Variants in ABCA8 observed in about 807,000 individuals in gnomAD.
ABCA8 encodes the protein ABC-type organic anion transporter ABCA8.
Under a neutral mutation model 192.3 loss-of-function variants are expected in ABCA8, and 177 were observed. That is an observed-to-expected ratio of 0.92 (90% CI 0.81 to 1.04). The LOEUF is 1.04. Among genes scored for constraint, ABCA8 ranks in the 50% least tolerant of loss-of-function variants. The pLI, the probability that ABCA8 is intolerant of heterozygous loss-of-function variation, is 0.00. For synonymous variants in ABCA8, 642 were observed against 690.2 expected (o/e 0.93, Z 1.09); for missense variants, 1,915 against 1,904.8 (o/e 1.01, Z -0.10).
intron 38 of ABCA8, among the ~76,000 whole-genome samples, 163 bp downstream of exon 38, chr17:68,869,537 T>A (rs1165900388): frequency 6.6e-6 from 1 of 152,122 alleles, no homozygotes; most frequent in East Asian, 1.9e-4. Context: ...ACACAGAGAA[T>A]CCCTCTATCT....
chr17:68,890,833 AT>A (rs1466355128), intron 24 of ABCA8, among the ~76,000 whole-genome samples: 1 of 152,078 alleles, frequency 6.6e-6, no homozygotes, highest in Non-Finnish European at 1.5e-5. Context: ...TTTATTTTTT[AT>A]TCGTGTTTTA....
chr17:68,914,480 T>C (rs1485400155), intron 17 of ABCA8, among the ~76,000 whole-genome samples: 7 of 152,166 alleles, frequency 4.6e-5, no homozygotes, highest in African/African-American at 1.7e-4. Flanking sequence ...CAAAAATCAA[T>C]AGCATTTCTA....
Position 68,954,127 on chromosome 17 carries a change from C to A in ABCA8, c.-167+1092G>T, listed in dbSNP as rs529252993. The stretch of plus-strand genomic sequence containing the variant: ...TGTATACATGTGCCACGCTGGTGCG[C>A]TGCACCCACTAACTCGTCATCTAGC... On this transcript the variant is annotated intron_variant, in intron 1 of 39. Transcript: ENST00000586539. 2.0e-5 allele frequency among the ~76,000 whole-genome samples: 3 copies of A among 151,506 alleles called. No homozygotes were observed. In the East Asian group the frequency reaches 5.8e-4, roughly 30 times the overall value.
chr17:68,949,889 A>C (rs187132515), intron 1 of ABCA8, among the ~76,000 whole-genome samples: 1 of 151,994 alleles, frequency 6.6e-6, no homozygotes, highest in African/African-American at 2.4e-5. Flanking sequence ...GGCACAAGGC[A>C]AGGATGCCCT....
intron 37 of ABCA8, among the ~76,000 whole-genome samples, chr17:68,871,248 A>G (rs1423987139): frequency 2.6e-5 from 4 of 151,956 alleles, no homozygotes; most frequent in African/African-American, 9.7e-5. Flanking sequence ...TAACAGACCC[A>G]CTCCCAAGAT....
rs181557442 is a variant in ABCA8 at position 68,932,464 on chromosome 17, T to G, written c.621A>C (p.Lys207Asn). The change falls in exon 7 of 40, where the codon AAA becomes AAC. Residue 207 changes from lysine (K) to asparagine (N), a missense_variant. Physicochemically the swap from Lys to Asn is moderately conservative, Grantham distance 94 (BLOSUM62 0). Coordinates refer to ENST00000586539, the MANE Select transcript of ABCA8 (RefSeq NM_001288985.2). ...VMEELMSVTG[K>N]NMKMHSFIGQ... ...CAATGAAGGAATGCATCTTCATATT[T>G]TTTCCAGTAACTGACATCAGCTCCT... is the stretch of plus-strand genomic sequence containing the variant. 4 of 1,613,916 alleles carry G rather than the reference T, an allele frequency of 2.5e-6. No individual in the cohort carries two copies. Among genetic ancestry groups the G allele is most frequent in the African/African-American group, 1.3e-5 (1 of 74,946 alleles).
intron 37 of ABCA8, among the ~76,000 whole-genome samples, chr17:68,870,991 T>A (rs1163969128): frequency 6.6e-6 from 1 of 152,192 alleles, no homozygotes; most frequent in African/African-American, 2.4e-5. Context: ...TTTCTCCACC[T>A]CCTTAGCAAC....
At chr17:68,871,200 TGGGAG>T (rs530455450) in intron 37 of ABCA8, among the ~76,000 whole-genome samples, 152 of 152,182 alleles carry the variant, frequency 1.0e-3, no homozygotes, top group Admixed American at 4.9e-3. Flanking sequence ...CATTATAGGG[TGGGAG>T]GGGCACTCAA....
At chr17:68,943,136 T>C (rs2068279111) in intron 2 of ABCA8, among the ~76,000 whole-genome samples, 1 of 152,180 alleles carries the variant, frequency 6.6e-6, no homozygotes, top group South Asian at 2.1e-4. Flanking sequence ...AATTGAACTT[T>C]TTACTATCTT....
Position 68,883,412 on chromosome 17 carries a change from T to C in ABCA8, c.3707+379A>G, listed in dbSNP as rs1598195045. Reference sequence around the variant, plus strand: ...GTGATCCACTGGCTGGGATGCTCACTACCAGGAAAAGAACACAGCTATTGC... The same window carrying C: ...GTGATCCACTGGCTGGGATGCTCACCACCAGGAAAAGAACACAGCTATTGC... On this transcript the variant is annotated intron_variant, in intron 29 of 39. Coordinates refer to ENST00000586539, the MANE Select transcript of ABCA8 (RefSeq NM_001288985.2). Among the ~76,000 whole-genome samples the C allele has an allele frequency of 2.6e-5, 4 of 152,216 alleles. No homozygotes were observed. The East Asian group carries it at 7.7e-4, about 29-fold the overall frequency.
chr17:68,954,825 A>G lies in ABCA8; in HGVS notation c.-167+394T>C, dbSNP rs528270377. 3.3e-5 allele frequency among the ~76,000 whole-genome samples: 5 copies of G among 152,292 alleles called. No homozygotes were observed. The East Asian group carries it at 9.6e-4, about 29-fold the overall frequency. On this transcript the variant is annotated intron_variant, in intron 1 of 39. Transcript: ENST00000586539. ...AGAACACTTATCCAAAATGCCCTAC[A>G]TTATTGTGCAATCAAAGTAGATAAC...
In ABCA8 at chr17:68,918,073, A is replaced by T; in HGVS notation, c.2021T>A (p.Phe674Tyr). 1 of 1,614,192 alleles carries T rather than the reference A, an allele frequency of 6.2e-7. No homozygotes were observed. The highest frequency in any genetic ancestry group is 8.5e-7 in the Non-Finnish European group (1 of 1,180,034). Reference sequence around the variant, plus strand: ...CGCCAGGATGTCGGCCTCATCCATGAACTGGGTACTGAAGAGGATCACGCG... The same window carrying T: ...CGCCAGGATGTCGGCCTCATCCATGTACTGGGTACTGAAGAGGATCACGCG... ...TDRVILFSTQFMDEADILADR... is the reference protein window; with the variant it reads ...TDRVILFSTQYMDEADILADR... Residue 674 changes from phenylalanine to tyrosine, a missense_variant, in exon 16 of 40, where the codon TTC becomes TAC. Transcript: ENST00000586539.
chr17:68,893,536 TA>T (rs933215001), intron 23 of ABCA8, among the ~76,000 whole-genome samples: 2 of 152,148 alleles, frequency 1.3e-5, no homozygotes, highest in African/African-American at 4.8e-5. Context: ...GTAAAATTTC[TA>T]AAAGTAATAA....
Position 68,918,491 on chromosome 17 carries a change from T to G in ABCA8, c.1844A>C (p.Gln615Pro). ...EMKNIQDVLAQNLSGGQKRKL... is the reference protein window; with the variant it reads ...EMKNIQDVLAPNLSGGQKRKL... ...TCTTTTCTGTCCACCACTTAAGTTT[T>G]GAGCAAGAACATCCTGAATATTTTT... Residue 615 changes from glutamine (Q) to proline (P), a missense_variant, in exon 15 of 40, where the codon CAA becomes CCA. Gln to Pro is a moderately conservative substitution (Grantham distance 76). Coordinates refer to ENST00000586539, the MANE Select transcript of ABCA8 (RefSeq NM_001288985.2). The G allele has an allele frequency of 6.5e-7, 1 of 1,543,816 alleles. No individual in the cohort carries two copies. Among genetic ancestry groups the G allele is most frequent in the Non-Finnish European group, 8.7e-7 (1 of 1,151,154 alleles).
intron 24 of ABCA8, among the ~76,000 whole-genome samples, chr17:68,890,814 C>T (rs2066606954): frequency 6.6e-6 from 1 of 152,176 alleles, no homozygotes; most frequent in Non-Finnish European, 1.5e-5. Context: ...CCACCAAGCT[C>T]GGCTGCCTTT....
intron 24 of ABCA8, among the ~76,000 whole-genome samples, chr17:68,887,881 C>CATATATAT (rs1202636158): frequency 0.032 from 2,202 of 68,090 alleles, 112 homozygotes; most frequent in African/African-American, 0.092. Context: ...TTCTCTCCTC[C>CATATATAT]ATATATATAT....
intron 1 of ABCA8, among the ~76,000 whole-genome samples, chr17:68,953,833 G>A (rs960742883): frequency 1.3e-5 from 2 of 152,038 alleles, no homozygotes; most frequent in African/African-American, 4.8e-5. Context: ...GGGGGTAGAG[G>A]GTAGTCTGCT....
intron 21 of ABCA8, among the ~76,000 whole-genome samples, chr17:68,900,494 A>G (rs1393898866): frequency 6.7e-6 from 1 of 149,560 alleles, no homozygotes; most frequent in African/African-American, 2.5e-5. Context: ...ACACTAGTAC[A>G]TTTCTACCTA....
At chr17:68,938,852 C>G (rs959124964) in intron 4 of ABCA8, among the ~76,000 whole-genome samples, 1 of 152,102 alleles carries the variant, frequency 6.6e-6, no homozygotes, top group Non-Finnish European at 1.5e-5. Context: ...TTAGTATTAG[C>G]GTAGTTGGCT....
Sources: gnomAD v4.1 joint callset for allele counts (sites outside exome capture counted in the v4.1 genomes callset) on GRCh38, gnomAD v4.1.1 for gene constraint, MANE v1.5 for transcripts, NCBI Gene and HGNC (gene_info 2026-07-23, HGNC 2026-07-21) for gene names.